The following LENG8 variants were observed in gnomAD, a reference collection of about 807,000 sequenced individuals.
LENG8 encodes the protein leukocyte receptor cluster member 8, also known as leukocyte receptor cluster (LRC) member 8.
LENG8 carries 28 observed loss-of-function variants against 102.1 expected under a neutral mutation model. That is an observed-to-expected ratio of 0.27 (90% CI 0.20 to 0.38). LENG8 has a LOEUF of 0.38. Ranked by LOEUF, LENG8 falls within the 10% of genes least tolerant of loss-of-function variation. LENG8 has a pLI of 1.00. For synonymous variants in LENG8, 531 were observed against 456.7 expected, an observed-to-expected ratio of 1.16 and a Z score of -2.07; for missense variants, 1,022 against 1,113.9, an observed-to-expected ratio of 0.92 and a Z score of 1.17.
chr19:54,459,883 C>G, intron 15 of LENG8: 1 of 1,169,722 alleles, frequency 8.5e-7, no homozygotes, highest in South Asian at 1.6e-5. Flanking sequence ...ATGATGGGCC[C>G]CATGAATGGT....
Position 54,461,534 on chromosome 19 carries a change from A to G in LENG8, c.*606A>G, listed in dbSNP as rs989411427. The G allele has an allele frequency of 2.1e-6, 1 of 471,434 alleles. No individual in the cohort carries two copies. The highest frequency in any genetic ancestry group is 4.4e-6 in the Non-Finnish European group (1 of 227,386). 29.2% of individuals were successfully genotyped at this position (471,434 alleles called of 1,614,324 possible). A position where few individuals can be genotyped will look rare whatever the true frequency, so the allele number is the denominator to read the frequency against. The stretch of plus-strand genomic sequence containing the variant: ...GATCCTCCGCCGCCACACCGCACTG[A>G]GGACACGCCGGCCGGGCCGCCTCGT... On this transcript the variant is annotated 3_prime_UTR_variant, in exon 16 of 16. Coordinates refer to ENST00000326764, the MANE Select transcript of LENG8 (RefSeq NM_052925.4).
intron 6 of LENG8, 133 bp from the exon 7 acceptor site, chr19:54,454,818 C>CCA: frequency 7.0e-7 from 1 of 1,429,254 alleles, no homozygotes; most frequent in African/African-American, 1.4e-5. Context: ...CTGCTCTGGA[C>CCA]CAGGCACATG....
At position 54,461,695 on chromosome 19, in the gene LENG8, C is replaced by T. The variant is rs2084570759; in HGVS notation, c.*767C>T. On this transcript the variant is annotated 3_prime_UTR_variant, in exon 16 of 16. Transcript: ENST00000326764. ...TCAGCACAGGTAAAACGGTTCCCCT[C>T]CCTCCCTGCCTTCATGGATCACCAG... 8 of 489,616 alleles carry T rather than the reference C, an allele frequency of 1.6e-5. No homozygotes were observed. Among genetic ancestry groups the T allele is most frequent in the South Asian group, 1.1e-4 (7 of 64,714 alleles). The allele number at this position is 489,616 out of a possible 1,614,324, so 30.3% of individuals were successfully genotyped here.
intron 15 of LENG8, 74 bp from the exon 16 acceptor site, chr19:54,460,692 G>C (rs1420011902): frequency 6.9e-7 from 1 of 1,448,616 alleles, no homozygotes; most frequent in Non-Finnish European, 9.1e-7. Flanking sequence ...GAATGGGGGG[G>C]CCTCCCCGCT....
intron 1 of LENG8, among the ~76,000 whole-genome samples, chr19:54,449,940 C>T (rs1206601032): frequency 6.6e-6 from 1 of 152,176 alleles, no homozygotes; most frequent in African/African-American, 2.4e-5. Context: ...TAAGCCTTTG[C>T]GTTTCTAGGG....
Position 54,452,692 on chromosome 19 carries a change from G to A in LENG8, c.255G>A (p.Gln85=), listed in dbSNP as rs146623714. The A allele has an allele frequency of 6.2e-7, 1 of 1,614,146 alleles. No individual in the cohort carries two copies. The highest frequency in any genetic ancestry group is 1.1e-5 in the South Asian group (1 of 91,092). The change falls in exon 4 of 16, where the codon CAG becomes CAA. Residue 85 remains glutamine (Q), a synonymous_variant. Coordinates refer to ENST00000326764, the MANE Select transcript of LENG8 (RefSeq NM_052925.4). ...QAEASALQQQ[Q]YYQWYQQYNY... ...AAGCCTCAGCTTTGCAGCAGCAGCA[G>A]TACTACCAGTGGTACCAGCAGTACA...
At chr19:54,460,473 C>T (rs2084475115) in intron 15 of LENG8, 20 of 1,324,054 alleles carry the variant, frequency 1.5e-5, no homozygotes, top group Non-Finnish European at 1.7e-5. Context: ...CTGGTCCCTG[C>T]CCCTCAGCCA....
At chr19:54,450,707 G>C (rs7248412) in intron 1 of LENG8, among the ~76,000 whole-genome samples, 2 of 146,052 alleles carry the variant, frequency 1.4e-5, no homozygotes. Flanking sequence ...ACCGCCCTCC[G>C]CCTCCCGTGT....
In LENG8 at chr19:54,451,374, C is replaced by T; in HGVS notation, c.30C>T (p.Ser10=). The change falls in exon 2 of 16, where the codon AGC becomes AGT. Residue 10 remains serine (S), a synonymous_variant. Transcript: ENST00000326764. MAANVGDQR[S]TDWSSQYSMV... ...CGGCCAACGTGGGTGATCAACGTAG[C>T]ACAGATTGGTTAGTGAGGCGAGAGG... is the stretch of plus-strand genomic sequence containing the variant. 1 of 1,614,158 alleles carries T rather than the reference C, an allele frequency of 6.2e-7. No homozygotes were observed. The highest frequency in any genetic ancestry group is 8.5e-7 in the Non-Finnish European group (1 of 1,180,006).
intron 8 of LENG8, 54 bp downstream of exon 8, chr19:54,455,621 C>T (rs1210634817): frequency 6.7e-7 from 1 of 1,494,804 alleles, no homozygotes; most frequent in African/African-American, 1.4e-5. Context: ...GAGGCATGGG[C>T]TGGGTATGGA....
rs756699716 is a variant in LENG8, at chr19:54,456,894, C to T, written c.1704C>T (p.Pro568=). The stretch of plus-strand genomic sequence containing the variant: ...ACTACCTGCGCCTCACCTGTGCCCC[C>T]GACCCGTCCACCGTGCGCCCTGTGG... ...TKHYLRLTCA[P]DPSTVRPVAV... The change falls in exon 11 of 16, where the codon CCC becomes CCT. Residue 568 remains proline, a synonymous_variant. Coordinates refer to ENST00000326764, the MANE Select transcript of LENG8 (RefSeq NM_052925.4). The T allele has an allele frequency of 1.9e-5, 31 of 1,608,720 alleles. No homozygotes were observed. The highest frequency in any genetic ancestry group is 2.1e-4 in the Middle Eastern group (1 of 4,738).
rs904215228 is a variant in LENG8, at chr19:54,455,090, C to T, written c.819C>T (p.His273=). 7.4e-6 allele frequency: 12 copies of T among 1,614,086 alleles called. No homozygotes were observed. The highest frequency in any genetic ancestry group is 1.3e-5 in the African/African-American group (1 of 74,940). ...PQPNPEKVQN[H]SGSSARGNLS... is the part of the protein sequence containing the mutation. ...CCAACCCTGAGAAAGTTCAGAACCA[C>T]AGGTGACGTCTGCCCCCTTGCCCCG... The change falls in exon 7 of 16, where the codon CAC becomes CAT. Residue 273 remains histidine (H), a splice_region_variant and synonymous_variant. Coordinates refer to ENST00000326764, the MANE Select transcript of LENG8 (RefSeq NM_052925.4).
intron 12 of LENG8, 39 bp downstream of exon 12, chr19:54,457,887 C>G: frequency 6.2e-7 from 1 of 1,613,498 alleles, no homozygotes; most frequent in Non-Finnish European, 8.5e-7. Flanking sequence ...CTCAGCCAGT[C>G]CTGCCTCCCG....
At chr19:54,451,186 CT>C in intron 1 of LENG8, 103 bp from the exon 2 acceptor site, 1 of 752,620 alleles carries the variant, frequency 1.3e-6, no homozygotes. Flanking sequence ...TCAGCCTCCC[CT>C]TTTCTGCCCG....
chr19:54,457,513 G>A (rs2123164771), intron 11 of LENG8, among the ~76,000 whole-genome samples: 1 of 152,018 alleles, frequency 6.6e-6, no homozygotes. Context: ...GCTGATTTTT[G>A]TATTTTTAGT....
Position 54,456,332 on chromosome 19 carries a change from C to A in LENG8, c.1312C>A (p.His438Asn). The A allele has an allele frequency of 2.5e-6, 4 of 1,613,996 alleles. No homozygotes were observed. The highest frequency in any genetic ancestry group is 1.7e-6 in the Non-Finnish European group (2 of 1,180,008). ...TCCTGCTTCTTCCTGCAGTGACTCC[C>A]ACTCAGACTCCGACAGCTCCTACTC... ...PTRHFRRSDS[H>N]SDSDSSYSGN... Residue 438 changes from histidine (H) to asparagine (N), a missense_variant, in exon 10 of 16, where the codon CAC becomes AAC. By Grantham distance (68) the His-to-Asn change is moderately conservative. Around this residue, in one of 7 missense-constraint regions of LENG8, gnomAD observed 326 missense variants for 324.5 expected, o/e 1.00. Transcript: ENST00000326764.
chr19:54,452,044 G>T (rs1020552613), intron 2 of LENG8, 49 bp from the exon 3 acceptor site: 4 of 1,560,620 alleles, frequency 2.6e-6, no homozygotes, highest in Non-Finnish European at 3.5e-6. Flanking sequence ...TTGCCCACCT[G>T]TGTACAGTGG....
At chr19:54,455,274 G>A (rs774123879) in intron 7 of LENG8, 90 bp from the exon 8 acceptor site, 27 of 1,524,170 alleles carry the variant, frequency 1.8e-5, no homozygotes, top group African/African-American at 2.7e-5. Flanking sequence ...TGGGGACTGC[G>A]TCCCGCTGTG....
rs1345429496 is a variant in LENG8 at position 54,461,962 on chromosome 19, C to T, written c.*1034C>T. 5.5e-6 allele frequency: 6 copies of T among 1,091,960 alleles called. No homozygotes were observed. Among genetic ancestry groups the T allele is most frequent in the Non-Finnish European group, 7.0e-6 (5 of 717,132 alleles). The allele number at this position is 1,091,960 out of a possible 1,614,324, so 67.6% of individuals were successfully genotyped here. A position where few individuals can be genotyped will look rare whatever the true frequency, so the allele number is the denominator to read the frequency against. ...TTCCTTCCTTCCTTTCCTTGGAGCA[C>T]TGAGCACCATTTGGAAGCTTGAGAG... On this transcript the variant is annotated 3_prime_UTR_variant, in exon 16 of 16. Transcript: ENST00000326764.
Sources: allele counts gnomAD v4.1 joint callset (sites outside exome capture counted in the v4.1 genomes callset), GRCh38; gene constraint gnomAD v4.1.1; regional missense constraint gnomAD v4.1.1; transcripts MANE v1.5; gene names NCBI Gene and HGNC (gene_info 2026-07-23, HGNC 2026-07-21).